BTBD9: variants seen among roughly 807,000 people sequenced by gnomAD.
BTBD9 encodes the protein BTB/POZ domain-containing protein 9.
A neutral mutation model predicts 64.3 loss-of-function variants in BTBD9; 49 were observed. The observed-to-expected ratio is 0.76, with a 90% CI of 0.61 to 0.97. The LOEUF (loss-of-function observed/expected upper bound fraction) is 0.97, where lower values mean the gene tolerates loss of function less well. Ranked by LOEUF, BTBD9 falls within the 50% of genes least tolerant of loss-of-function variation. The pLI is 0.00. For missense variants in BTBD9, 598 were observed against 762.1 expected, an observed-to-expected ratio of 0.78 and a Z score of 2.53; for synonymous variants, 260 against 274.7, an observed-to-expected ratio of 0.95 and a Z score of 0.53.
intron 6 of BTBD9, among the ~76,000 whole-genome samples, chr6:38,510,871 C>CA (rs1443489502): frequency 3.9e-5 from 6 of 152,200 alleles, no homozygotes; most frequent in Non-Finnish European, 7.3e-5. Context: ...CCTATGATAA[C>CA]AATGCCTTCT....
chr6:38,414,831 GC>G (rs1416460509), intron 6 of BTBD9, among the ~76,000 whole-genome samples: 1 of 151,978 alleles, frequency 6.6e-6, no homozygotes, highest in Admixed American at 6.6e-5. Context: ...TAAGAGTTGT[GC>G]CCGGCTTTCT....
intron 9 of BTBD9, among the ~76,000 whole-genome samples, chr6:38,225,707 G>A (rs1209095224): frequency 6.6e-6 from 1 of 152,168 alleles, no homozygotes; most frequent in Non-Finnish European, 1.5e-5. Context: ...TGGCTGGAAA[G>A]GGTCACTTAA....
intron 6 of BTBD9, among the ~76,000 whole-genome samples, chr6:38,372,856 T>C (rs1425596623): frequency 1.3e-5 from 2 of 152,230 alleles, no homozygotes; most frequent in East Asian, 1.9e-4. Flanking sequence ...TGAACATGTA[T>C]AGCAAAGGTC....
chr6:38,367,799 C>CAAAAAAAAAAAAAAAAAAAAA (rs575025737), intron 6 of BTBD9, among the ~76,000 whole-genome samples: 3 of 84,336 alleles, frequency 3.6e-5, no homozygotes, highest in East Asian at 5.2e-4. Flanking sequence ...CCAGAAATGG[C>CAAAAAAAAAAAAAAAAAAAAA]AAAAAAAAAA....
chr6:38,454,628 C>A (rs531250306), intron 6 of BTBD9, among the ~76,000 whole-genome samples: 1 of 151,600 alleles, frequency 6.6e-6, no homozygotes. Context: ...AAGACCCCAT[C>A]TCCACAAAAA....
At chr6:38,386,539 C>T (rs1282794401) in intron 6 of BTBD9, among the ~76,000 whole-genome samples, 1 of 150,752 alleles carries the variant, frequency 6.6e-6, no homozygotes, top group Non-Finnish European at 1.5e-5. Context: ...CTGGTTCCTG[C>T]AATGTAAGGT....
chr6:38,348,192 G>A (rs1430202387), intron 6 of BTBD9, among the ~76,000 whole-genome samples: 2 of 152,044 alleles, frequency 1.3e-5, no homozygotes, highest in East Asian at 1.9e-4. Context: ...AAAATCCAAG[G>A]GATAGGAATG....
chr6:38,282,333 C>T (rs1761544417), intron 8 of BTBD9, among the ~76,000 whole-genome samples: 1 of 152,178 alleles, frequency 6.6e-6, no homozygotes, highest in African/African-American at 2.4e-5. Flanking sequence ...CCTAGCAACA[C>T]CAAGGACAAA....
intron 7 of BTBD9, among the ~76,000 whole-genome samples, chr6:38,326,804 C>T (rs1041462793): frequency 2.0e-5 from 3 of 151,426 alleles, no homozygotes; most frequent in African/African-American, 4.8e-5. Context: ...GTATCCTCCT[C>T]CTCTACTTTC....
At chr6:38,209,972 A>G (rs1262482632) in intron 9 of BTBD9, among the ~76,000 whole-genome samples, 1 of 152,208 alleles carries the variant, frequency 6.6e-6, no homozygotes, top group Non-Finnish European at 1.5e-5. Context: ...AGAGAGCGGC[A>G]GGACCCTCCC....
At chr6:38,411,852 G>A (rs1219815374) in intron 6 of BTBD9, among the ~76,000 whole-genome samples, 2 of 152,002 alleles carry the variant, frequency 1.3e-5, no homozygotes, top group African/African-American at 2.4e-5. Context: ...TGGGAAGATC[G>A]ATAGAACCCA....
chr6:38,357,848 T>C (rs559804976), intron 6 of BTBD9, among the ~76,000 whole-genome samples: 1 of 152,308 alleles, frequency 6.6e-6, no homozygotes, highest in South Asian at 2.1e-4. Flanking sequence ...CCTTATCCCA[T>C]TCCTTCTACC....
intron 9 of BTBD9, among the ~76,000 whole-genome samples, chr6:38,247,599 C>T (rs1764254373): frequency 1.3e-5 from 2 of 152,170 alleles, no homozygotes; most frequent in South Asian, 4.1e-4. Context: ...CCAAGTAGGC[C>T]AGGGCCCTTG....
intron 6 of BTBD9, among the ~76,000 whole-genome samples, chr6:38,426,040 A>G (rs1768133651): frequency 2.0e-5 from 3 of 151,852 alleles, no homozygotes; most frequent in African/African-American, 7.3e-5. Flanking sequence ...ATGTCTTTAC[A>G]AAAAGTAGGA....
At chr6:38,309,862 G>T (rs1758616363) in intron 7 of BTBD9, among the ~76,000 whole-genome samples, 1 of 151,216 alleles carries the variant, frequency 6.6e-6, no homozygotes, top group South Asian at 2.1e-4. Context: ...TCTAAAAGTA[G>T]TACTAACAGT....
At chr6:38,371,600 G>C (rs1562091434) in intron 6 of BTBD9, among the ~76,000 whole-genome samples, 1 of 152,154 alleles carries the variant, frequency 6.6e-6, no homozygotes. Flanking sequence ...ATTAATGTCG[G>C]CCAGGCTGCT....
intron 4 of BTBD9, chr6:38,587,524 A>G (rs1227100639): frequency 1.8e-6 from 1 of 568,396 alleles, no homozygotes; most frequent in Non-Finnish European, 3.4e-6. Flanking sequence ...TGACGATCTT[A>G]TAACAATTTT....
chr6:38,336,171 A>G (rs1268818672), intron 7 of BTBD9, among the ~76,000 whole-genome samples: 1 of 152,190 alleles, frequency 6.6e-6, no homozygotes, highest in Non-Finnish European at 1.5e-5. Context: ...CAATTCCTCC[A>G]TCAGGTGCAA....
intron 6 of BTBD9, among the ~76,000 whole-genome samples, chr6:38,346,201 C>T (rs944813705): frequency 6.6e-6 from 1 of 152,116 alleles, no homozygotes. Flanking sequence ...CTGAGTTAAT[C>T]GCTATTCACT....
Sources: allele counts gnomAD v4.1 joint callset (sites outside exome capture counted in the v4.1 genomes callset), GRCh38; gene constraint gnomAD v4.1.1; transcripts MANE v1.5; gene names NCBI Gene and HGNC (gene_info 2026-07-23, HGNC 2026-07-21).